The following SMYD3 variants were observed in gnomAD, a reference collection of about 807,000 sequenced individuals.
SMYD3 encodes the protein SET and MYND domain containing 3.
Under a neutral mutation model 57.7 loss-of-function variants are expected in SMYD3, and 36 were observed. The observed-to-expected ratio is 0.62, with a 90% CI of 0.48 to 0.82. The LOEUF (loss-of-function observed/expected upper bound fraction) is 0.82. Ranked by LOEUF, SMYD3 falls within the 40% of genes least tolerant of loss-of-function variation. The pLI, the probability that SMYD3 is intolerant of heterozygous loss-of-function variation, is 0.00. For missense variants in SMYD3, 515 were observed against 538.8 expected (o/e 0.96, Z 0.44); for synonymous variants, 211 against 195.0 (o/e 1.08, Z -0.68).
chr1:246,002,224 AC>A (rs2059065383), intron 5 of SMYD3, among the ~76,000 whole-genome samples: 1 of 147,882 alleles, frequency 6.8e-6, no homozygotes, highest in Admixed American at 6.8e-5. Context: ...TCGCTCCGTC[AC>A]CCAGGCTGGA....
At chr1:246,251,572 G>A (rs1175180710) in intron 5 of SMYD3, among the ~76,000 whole-genome samples, 1 of 50,836 alleles carries the variant, frequency 2.0e-5, no homozygotes, top group Non-Finnish European at 3.6e-5. Flanking sequence ...TAGGTGCCGC[G>A]GACACTGTGC....
At chr1:245,953,728 T>A (rs2057740190) in intron 5 of SMYD3, among the ~76,000 whole-genome samples, 1 of 152,160 alleles carries the variant, frequency 6.6e-6, no homozygotes, top group South Asian at 2.1e-4. Context: ...CAAGTAGGGT[T>A]CAGTTTTTAA....
In SMYD3 at chr1:246,481,615, CATAT is replaced by C. The variant is rs1342398430; in HGVS notation, c.164+25435_164+25438del. On this transcript the variant is annotated intron_variant, in intron 1 of 11. Transcript: ENST00000490107. ...CTCCATATATATATATATACACATACATATATACATACATACATACACATATTCA... is the reference window on the plus strand; with the variant it reads ...CTCCATATATATATATATACACATACATACATACATACATACACATATTCA... Among the ~76,000 whole-genome samples the C allele has an allele frequency of 5.2e-4, 20 of 38,730 alleles. 3 individuals carry two copies. The East Asian group carries it at 0.018, about 35-fold the overall frequency. 25.4% of individuals were successfully genotyped at this position (38,730 alleles called of 152,430 possible). A position where few individuals can be genotyped will look rare whatever the true frequency, so the allele number is the denominator to read the frequency against.
chr1:246,449,904 T>A (rs536064036), intron 1 of SMYD3, among the ~76,000 whole-genome samples: 1 of 152,318 alleles, frequency 6.6e-6, no homozygotes, highest in Non-Finnish European at 1.5e-5. Context: ...GCCAAGTCCC[T>A]CACTTTAGAA....
intron 8 of SMYD3, among the ~76,000 whole-genome samples, chr1:245,874,281 T>C (rs529486393): frequency 6.6e-6 from 1 of 152,320 alleles, no homozygotes; most frequent in African/African-American, 2.4e-5. Context: ...TGTATAATGA[T>C]TATAACAGGC....
chr1:246,079,749 A>C (rs1268430370), intron 5 of SMYD3, among the ~76,000 whole-genome samples: 2 of 152,226 alleles, frequency 1.3e-5, no homozygotes, highest in East Asian at 3.8e-4. Flanking sequence ...CAAAAACCCC[A>C]CAACTAAAAA....
chr1:246,282,572 T>C (rs1046517353), intron 5 of SMYD3, among the ~76,000 whole-genome samples: 1 of 151,798 alleles, frequency 6.6e-6, no homozygotes, highest in Non-Finnish European at 1.5e-5. Flanking sequence ...TGCATGTATT[T>C]TTCTTTTCTT....
chr1:246,314,577 C>T (rs952821002), intron 5 of SMYD3, among the ~76,000 whole-genome samples: 1 of 152,164 alleles, frequency 6.6e-6, no homozygotes, highest in African/African-American at 2.4e-5. Context: ...CCAATTGTCC[C>T]TTGATCTGTT....
At chr1:245,985,201 A>G (rs1046888642) in intron 5 of SMYD3, among the ~76,000 whole-genome samples, 1 of 151,842 alleles carries the variant, frequency 6.6e-6, no homozygotes, top group Admixed American at 6.6e-5. Flanking sequence ...ATCCCTTGGG[A>G]CCTGTCCTTG....
rs141565442 is a variant in SMYD3 at position 246,006,371 on chromosome 1, G to A, written c.532-76434C>T. On this transcript the variant is annotated intron_variant, in intron 5 of 11. Transcript: ENST00000490107. ...GACACGGGTGGTGAGGAACAGTCCA[G>A]GGATATCCAGGCTGGACCCACGTAG... Among the ~76,000 whole-genome samples, 683 of 152,196 alleles carry A rather than the reference G, an allele frequency of 4.5e-3. 4 individuals carry two copies. Among genetic ancestry groups the A allele is most frequent in the Non-Finnish European group, 7.4e-3 (502 of 68,006 alleles).
chr1:245,899,352 A>G (rs372798188), intron 8 of SMYD3, among the ~76,000 whole-genome samples: 1 of 152,196 alleles, frequency 6.6e-6, no homozygotes, highest in East Asian at 1.9e-4. Context: ...CAACTGAAAA[A>G]TTAGTTGCAA....
At chr1:246,170,913 C>A (rs1431440896) in intron 5 of SMYD3, among the ~76,000 whole-genome samples, 1 of 152,106 alleles carries the variant, frequency 6.6e-6, no homozygotes, top group Admixed American at 6.5e-5. Flanking sequence ...TTTTGCAAAA[C>A]CTTTCAGTTT....
At chr1:246,385,417 TTATAAA>T (rs1222675822) in intron 1 of SMYD3, among the ~76,000 whole-genome samples, 1 of 151,742 alleles carries the variant, frequency 6.6e-6, no homozygotes, top group African/African-American at 2.4e-5. Flanking sequence ...TTAAAGTATT[TTATAAA>T]TATAAATATT....
intron 5 of SMYD3, among the ~76,000 whole-genome samples, chr1:245,945,718 C>T (rs149573040): frequency 0.01 from 1,563 of 152,142 alleles, 11 homozygotes; most frequent in Middle Eastern, 0.058. Flanking sequence ...AATTAAATGT[C>T]CATCAATAAT....
At chr1:246,081,813 C>A (rs2060641923) in intron 5 of SMYD3, among the ~76,000 whole-genome samples, 1 of 152,222 alleles carries the variant, frequency 6.6e-6, no homozygotes, top group South Asian at 2.1e-4. Context: ...AATCCTGGCA[C>A]TTTGGGATGC....
At chr1:245,884,618 C>A (rs141599932) in intron 8 of SMYD3, among the ~76,000 whole-genome samples, 1 of 152,040 alleles carries the variant, frequency 6.6e-6, no homozygotes, top group African/African-American at 2.4e-5. Flanking sequence ...TTACTGTACA[C>A]GTGATTGACA....
At chr1:245,897,268 C>T (rs564701810) in intron 8 of SMYD3, among the ~76,000 whole-genome samples, 34 of 152,298 alleles carry the variant, frequency 2.2e-4, no homozygotes, top group Admixed American at 1.3e-3. Context: ...TTTAAAAACA[C>T]GGACAAAATG....
chr1:246,045,588 A>G (rs1165108703), intron 5 of SMYD3, among the ~76,000 whole-genome samples: 2 of 152,174 alleles, frequency 1.3e-5, no homozygotes, highest in Non-Finnish European at 2.9e-5. Context: ...CTTCATGTCT[A>G]AAACACCAAA....
At chr1:246,465,584 AACAC>A (rs2067870523) in intron 1 of SMYD3, among the ~76,000 whole-genome samples, 1 of 152,168 alleles carries the variant, frequency 6.6e-6, no homozygotes, top group African/African-American at 2.4e-5. Context: ...CTGTAATCCC[AACAC>A]TTTGGGAGGC....
Sources: gnomAD v4.1 joint callset for allele counts (sites outside exome capture counted in the v4.1 genomes callset) on GRCh38, gnomAD v4.1.1 for gene constraint, MANE v1.5 for transcripts, NCBI Gene and HGNC (gene_info 2026-07-23, HGNC 2026-07-21) for gene names.